RBFOX1: variants seen among roughly 807,000 people sequenced by gnomAD.
The protein encoded by RBFOX1 is RNA binding protein fox-1 homolog 1.
In RBFOX1, 8 loss-of-function variants were observed where a neutral mutation model predicts 57.7. The observed-to-expected ratio is 0.14, with a 90% confidence interval of 0.08 to 0.25. RBFOX1 has a LOEUF of 0.25. RBFOX1 is among the 10% of genes least tolerant of loss of function. RBFOX1 has a pLI of 1.00. For synonymous variants in RBFOX1, 326 were observed against 222.4 expected (o/e 1.47, Z -4.15); for missense variants, 611 against 548.5 (o/e 1.11, Z -1.14).
At chr16:7,014,488 C>A (rs765312138) in intron 3 of RBFOX1, among the ~76,000 whole-genome samples, 2 of 151,528 alleles carry the variant, frequency 1.3e-5, no homozygotes, top group Admixed American at 6.6e-5. Context: ...CTCAGGTGAT[C>A]CACTCTCCTC....
chr16:6,951,244 G>A (rs1263866247), intron 3 of RBFOX1, among the ~76,000 whole-genome samples: 1 of 152,062 alleles, frequency 6.6e-6, no homozygotes, highest in Non-Finnish European at 1.5e-5. Context: ...AAAGGCATGT[G>A]AGTGAAAGAA....
chr16:6,490,378 C>G (rs2095604967), intron 2 of RBFOX1, among the ~76,000 whole-genome samples: 1 of 152,050 alleles, frequency 6.6e-6, no homozygotes. Context: ...TTGTATTTTT[C>G]AAAATTTCTT....
At chr16:7,483,592 G>A (rs1311349035) in intron 4 of RBFOX1, among the ~76,000 whole-genome samples, 3 of 152,154 alleles carry the variant, frequency 2.0e-5, no homozygotes, top group Middle Eastern at 3.2e-3. Context: ...TTTGAATTGA[G>A]GATACAGATA....
chr16:5,501,318 C>CAAAAAAAA (rs1160788118), intron 2 of RBFOX1, among the ~76,000 whole-genome samples: 66 of 64,836 alleles, frequency 1.0e-3, no homozygotes, highest in African/African-American at 1.4e-3. Context: ...ACTCTGTCTA[C>CAAAAAAAA]AAAAAAAAAA....
chr16:7,646,050 A>G (rs2063679410), intron 11 of RBFOX1, among the ~76,000 whole-genome samples: 1 of 151,860 alleles, frequency 6.6e-6, no homozygotes, highest in East Asian at 1.9e-4. Flanking sequence ...AATAAGTGCC[A>G]TCATGTTAAA....
intron 3 of RBFOX1, among the ~76,000 whole-genome samples, chr16:6,828,070 A>G (rs1206285506): frequency 6.6e-6 from 1 of 152,160 alleles, no homozygotes; most frequent in Admixed American, 6.5e-5. Context: ...AAAAGCCTCT[A>G]AGATGCATGC....
intron 4 of RBFOX1, among the ~76,000 whole-genome samples, chr16:7,338,878 C>T (rs766843846): frequency 2.6e-5 from 4 of 152,110 alleles, no homozygotes; most frequent in Non-Finnish European, 4.4e-5. Context: ...GATATTGCTG[C>T]CCTGCGATTT....
intron 2 of RBFOX1, among the ~76,000 whole-genome samples, chr16:5,525,112 G>A (rs61101809): frequency 0.099 from 15,001 of 152,114 alleles, 1,787 homozygotes; most frequent in African/African-American, 0.29. Flanking sequence ...GGTCTCCTCA[G>A]TAGATGTGTT....
intron 11 of RBFOX1, among the ~76,000 whole-genome samples, chr16:7,635,804 T>A (rs1243501932): frequency 4.6e-5 from 7 of 152,094 alleles, no homozygotes; most frequent in Non-Finnish European, 1.0e-4. Context: ...ACTTTTTATT[T>A]TATTTATTTA....
intron 1 of RBFOX1, among the ~76,000 whole-genome samples, chr16:6,093,398 C>G (rs2096203831): frequency 6.6e-6 from 1 of 151,770 alleles, no homozygotes; most frequent in Non-Finnish European, 1.5e-5. Flanking sequence ...TAGTGAGACG[C>G]CATCTCTTAA....
At chr16:6,006,183 C>A (rs113090708) in intron 4 of RBFOX1, among the ~76,000 whole-genome samples, 27 of 152,284 alleles carry the variant, frequency 1.8e-4, no homozygotes, top group African/African-American at 6.5e-4. Flanking sequence ...CGGTTTCCTA[C>A]GGGGAAATCA....
chr16:6,807,228 A>C (rs1414869572), intron 3 of RBFOX1, among the ~76,000 whole-genome samples: 1 of 152,084 alleles, frequency 6.6e-6, no homozygotes, highest in African/African-American at 2.4e-5. Context: ...CCAGTAGTTC[A>C]AGTGACAGCT....
chr16:6,125,427 C>T (rs1236515977), intron 1 of RBFOX1, among the ~76,000 whole-genome samples: 1 of 152,148 alleles, frequency 6.6e-6, no homozygotes, highest in Non-Finnish European at 1.5e-5. Context: ...TCTTGTTTGT[C>T]TGCTTTGGGT....
chr16:7,128,843 A>T (rs772022555), intron 4 of RBFOX1, among the ~76,000 whole-genome samples: 44 of 134,204 alleles, frequency 3.3e-4, no homozygotes, highest in Non-Finnish European at 5.8e-4. Flanking sequence ...TTTTTTTAAG[A>T]CGGAGTCTCA....
chr16:6,088,754 T>C (rs1297076774), intron 1 of RBFOX1, among the ~76,000 whole-genome samples: 5 of 152,116 alleles, frequency 3.3e-5, no homozygotes, highest in African/African-American at 1.2e-4. Flanking sequence ...GTAAAACTTG[T>C]GTGAGTAATT....
chr16:6,330,112 G>C (rs2082836603), intron 2 of RBFOX1, among the ~76,000 whole-genome samples: 1 of 152,110 alleles, frequency 6.6e-6, no homozygotes. Flanking sequence ...ATGTATGTCT[G>C]TAGTTTAATA....
chr16:6,409,250 C>A (rs900116358), intron 2 of RBFOX1, among the ~76,000 whole-genome samples: 4 of 152,120 alleles, frequency 2.6e-5, no homozygotes, highest in Admixed American at 1.3e-4. Flanking sequence ...CCCATCTCTA[C>A]TAAAAATACA....
At position 5,263,622 on chromosome 16, in the gene RBFOX1, G is replaced by A. The variant is rs560217492; in HGVS notation, c.219+23517G>A. Reference sequence around the variant, plus strand: ...AAGGCAGGTCTCAAATGAGGTGCAAGTGGAGAAGGTAGTTTGGGAAAGGAG... The same window carrying A: ...AAGGCAGGTCTCAAATGAGGTGCAAATGGAGAAGGTAGTTTGGGAAAGGAG... On this transcript the variant is annotated intron_variant, in intron 1 of 2. Transcript: ENST00000585867. Among the ~76,000 whole-genome samples, 12 of 152,250 alleles carry A rather than the reference G, an allele frequency of 7.9e-5. No individual in the cohort carries two copies. In the South Asian group the frequency reaches 2.5e-3, roughly 32 times the overall value.
chr16:7,472,988 A>G (rs1031309941), intron 4 of RBFOX1, among the ~76,000 whole-genome samples: 29 of 116,710 alleles, frequency 2.5e-4, no homozygotes, highest in Non-Finnish European at 2.0e-5. Flanking sequence ...GATGTCAGCA[A>G]GCTCTCCATT....
Sources: allele counts gnomAD v4.1 joint callset (sites outside exome capture counted in the v4.1 genomes callset), GRCh38; gene constraint gnomAD v4.1.1; transcripts MANE v1.5; gene names NCBI Gene and HGNC (gene_info 2026-07-23, HGNC 2026-07-21).